The following SPRED2 variants were observed in gnomAD, a reference collection of about 807,000 sequenced individuals.
SPRED2 encodes sprouty related EVH1 domain containing 2, also known as sprouty-related, EVH1 domain-containing protein 2.
A neutral mutation model predicts 43.0 loss-of-function variants in SPRED2; 47 were observed. The observed-to-expected ratio is 1.09, with a 90% confidence interval of 0.87 to 1.40. The LOEUF (loss-of-function observed/expected upper bound fraction) is 1.40. SPRED2 is among the 40% of genes most tolerant of loss of function. SPRED2 has a pLI of 0.00. For missense variants in SPRED2, 561 were observed against 586.4 expected (o/e 0.96, Z 0.45); for synonymous variants, 225 against 225.7 (o/e 1.00, Z 0.03).
chr2:65,338,722 C>T (rs1454464486), intron 2 of SPRED2, among the ~76,000 whole-genome samples: 1 of 151,806 alleles, frequency 6.6e-6, no homozygotes, highest in African/African-American at 2.4e-5. Flanking sequence ...GCCGCCACCC[C>T]GTCTGGGAAG....
At chr2:65,403,297 G>A (rs1416161458) in intron 1 of SPRED2, among the ~76,000 whole-genome samples, 1 of 152,202 alleles carries the variant, frequency 6.6e-6, no homozygotes, top group African/African-American at 2.4e-5. Context: ...AAAAGACAGG[G>A]TCTCACTCTG....
At chr2:65,360,442 T>C (rs1674780960) in intron 1 of SPRED2, among the ~76,000 whole-genome samples, 1 of 152,268 alleles carries the variant, frequency 6.6e-6, no homozygotes, top group South Asian at 2.1e-4. Context: ...TATAGCGAAT[T>C]AACCTTAACA....
intron 1 of SPRED2, among the ~76,000 whole-genome samples, chr2:65,399,751 A>G (rs890719051): frequency 3.3e-5 from 5 of 152,152 alleles, no homozygotes; most frequent in Non-Finnish European, 7.4e-5. Context: ...ATTCTCACTC[A>G]TATGTGGGAG....
downstream of SPRED2, among the ~76,000 whole-genome samples, chr2:65,309,583 A>G (rs1375593903): frequency 6.7e-6 from 1 of 148,640 alleles, no homozygotes; most frequent in Non-Finnish European, 1.5e-5. Flanking sequence ...TATATCAGGG[A>G]CTTGAGCATC....
At chr2:65,353,087 T>C (rs11126034) in intron 1 of SPRED2, among the ~76,000 whole-genome samples, 48,806 of 152,070 alleles carry the variant, frequency 0.32, 9,700 homozygotes, top group East Asian at 0.78. Context: ...ACTGGGGATA[T>C]GACCTTCATC....
chr2:65,375,575 C>T lies in SPRED2; in HGVS notation c.27-30679G>A, dbSNP rs575438919. On this transcript the variant is annotated intron_variant, in intron 1 of 5. Transcript: ENST00000356388. ...TAAAGTAAGTGTCAGCTGGCTAAGA[C>T]GAAACAGTAGGGGGAATGGACAGTC... 5.9e-5 allele frequency among the ~76,000 whole-genome samples: 9 copies of T among 152,208 alleles called. No homozygotes were observed. In the South Asian group the frequency reaches 8.3e-4, roughly 14 times the overall value.
intron 2 of SPRED2, among the ~76,000 whole-genome samples, chr2:65,343,750 T>C (rs182391150): frequency 3.9e-5 from 6 of 152,350 alleles, no homozygotes; most frequent in African/African-American, 1.4e-4. Context: ...ACTGAACATT[T>C]GAGTTCCTCC....
chr2:65,368,777 C>T (rs1675046830), intron 1 of SPRED2, among the ~76,000 whole-genome samples: 1 of 152,084 alleles, frequency 6.6e-6, no homozygotes. Context: ...AACCCCTATT[C>T]CTAAAAAAAT....
chr2:65,422,077 A>AACACAC (rs367817858), intron 1 of SPRED2, among the ~76,000 whole-genome samples: 1,458 of 127,594 alleles, frequency 0.011, 23 homozygotes, highest in African/African-American at 0.034. Flanking sequence ...TTGTATGTAC[A>AACACAC]ACACACACAC....
At chr2:65,309,778 C>T (rs1673022345), downstream of SPRED2, among the ~76,000 whole-genome samples, 1 of 152,176 alleles carries the variant, frequency 6.6e-6, no homozygotes, top group South Asian at 2.1e-4. Context: ...ACACCAAAGA[C>T]AAACTATACC....
At chr2:65,348,577 C>T (rs762376080) in intron 1 of SPRED2, among the ~76,000 whole-genome samples, 12 of 151,892 alleles carry the variant, frequency 7.9e-5, no homozygotes, top group Non-Finnish European at 1.5e-4. Context: ...CTGAAGTGGG[C>T]GGATAACCTG....
At chr2:65,400,854 G>A (rs762085896) in intron 1 of SPRED2, among the ~76,000 whole-genome samples, 2 of 152,130 alleles carry the variant, frequency 1.3e-5, no homozygotes, top group Non-Finnish European at 2.9e-5. Context: ...CAGTTCTAGC[G>A]TTCTCTGCTC....
At chr2:65,319,869 GGACTGAAATGCAGCCTCCCT>G (rs1673361739) in intron 4 of SPRED2, among the ~76,000 whole-genome samples, 1 of 152,110 alleles carries the variant, frequency 6.6e-6, no homozygotes, top group East Asian at 1.9e-4. Context: ...GGCAGAGCTG[GGACTGAAATGCAGCCTCCCT>G]GACCACAAAG....
intron 1 of SPRED2, among the ~76,000 whole-genome samples, chr2:65,391,087 CA>C (rs572027285): frequency 0.42 from 52,870 of 127,010 alleles, 10,624 homozygotes; most frequent in African/African-American, 0.47. Context: ...GACTCCATCT[CA>C]AAAAAAAAAA....
intron 1 of SPRED2, among the ~76,000 whole-genome samples, chr2:65,416,152 C>T (rs565071814): frequency 2.6e-5 from 4 of 152,234 alleles, no homozygotes; most frequent in African/African-American, 9.6e-5. Context: ...AATACCAACT[C>T]GGGAGGATGG....
At chr2:65,324,559 AG>A (rs1213823613) in intron 4 of SPRED2, among the ~76,000 whole-genome samples, 2 of 152,162 alleles carry the variant, frequency 1.3e-5, no homozygotes, top group East Asian at 3.9e-4. Flanking sequence ...TGTTCTTGGA[AG>A]CTTGGCTACT....
chr2:65,313,212 G>A lies in SPRED2; in HGVS notation c.*289C>T. ...AACACATGGATGAGACAGTTAGCTTGGTTACAGATTGTTAATAGTACAGGA... is the reference window on the plus strand; with the variant it reads ...AACACATGGATGAGACAGTTAGCTTAGTTACAGATTGTTAATAGTACAGGA... On this transcript the variant is annotated 3_prime_UTR_variant, in exon 6 of 6. Transcript: ENST00000356388. 1 of 1,136,994 alleles carries A rather than the reference G, an allele frequency of 8.8e-7. No individual in the cohort carries two copies. Among genetic ancestry groups the A allele is most frequent in the Non-Finnish European group, 1.1e-6 (1 of 926,622 alleles). The allele number at this position is 1,136,994 out of a possible 1,614,324, so 70.4% of individuals were successfully genotyped here.
intron 3 of SPRED2, chr2:65,334,099 C>T: frequency 2.3e-6 from 1 of 435,230 alleles, no homozygotes; most frequent in Non-Finnish European, 4.7e-6. Flanking sequence ...TAACACAATG[C>T]CTACTACTCA....
intron 1 of SPRED2, among the ~76,000 whole-genome samples, chr2:65,351,420 T>C (rs1176202983): frequency 6.6e-6 from 1 of 152,028 alleles, no homozygotes; most frequent in Non-Finnish European, 1.5e-5. Flanking sequence ...ATTACACGGC[T>C]CCTTTATCTC....
Sources: gnomAD v4.1 joint callset for allele counts (sites outside exome capture counted in the v4.1 genomes callset) on GRCh38, gnomAD v4.1.1 for gene constraint, MANE v1.5 for transcripts, NCBI Gene and HGNC (gene_info 2026-07-23, HGNC 2026-07-21) for gene names.